RAB27A: variants seen among roughly 807,000 people sequenced by gnomAD.
The protein encoded by RAB27A is ras-related protein Rab-27A.
Under a neutral mutation model 20.8 loss-of-function variants are expected in RAB27A, and 17 were observed. The observed-to-expected ratio is 0.82, with a 90% CI of 0.56 to 1.23. The LOEUF (loss-of-function observed/expected upper bound fraction) is 1.23, where lower values mean the gene tolerates loss of function less well. RAB27A is among the 50% of genes most tolerant of loss of function. The probability of loss-of-function intolerance (pLI) is 0.00; values close to 1 mark genes in which losing one functional copy is unlikely to be tolerated. For missense variants in RAB27A, 277 were observed against 266.7 expected (o/e 1.04, Z -0.27); for synonymous variants, 85 against 92.8 (o/e 0.92, Z 0.48).
chr15:55,281,949 C>T (rs985974955), intron 1 of RAB27A, among the ~76,000 whole-genome samples: 2 of 151,980 alleles, frequency 1.3e-5, no homozygotes, highest in Admixed American at 6.5e-5. Context: ...TTTTTTGGGA[C>T]ATCACTGGCT....
At chr15:55,262,938 C>T (rs7496857) in intron 2 of RAB27A, among the ~76,000 whole-genome samples, 50,957 of 152,018 alleles carry the variant, frequency 0.34, 9,976 homozygotes, top group East Asian at 0.58. Flanking sequence ...TTTATCAGGT[C>T]AAGGAAGTTC....
chr15:55,294,449 G>C (rs564645742), upstream of RAB27A, among the ~76,000 whole-genome samples: 1 of 151,878 alleles, frequency 6.6e-6, no homozygotes, highest in Non-Finnish European at 1.5e-5. Flanking sequence ...TTAGCCAGAC[G>C]TGGTGGCTTG....
intron 6 of RAB27A, among the ~76,000 whole-genome samples, chr15:55,214,133 A>AGAGAAT: frequency 6.6e-6 from 1 of 152,206 alleles, no homozygotes; most frequent in African/African-American, 2.4e-5. Context: ...CTGTTTTAGC[A>AGAGAAT]CAGCTATTAA....
rs557578858 is a variant in RAB27A, at chr15:55,267,965, T to G, written c.-23+2200A>C. On this transcript the variant is annotated intron_variant, in intron 2 of 6. Coordinates refer to ENST00000336787, the MANE Select transcript of RAB27A (RefSeq NM_183235.3). ...ACCAAGAAAGAAGAAAAATGGTTGT[T>G]TGTATTCTTATGGCTGCAGGGTCAT... 9.2e-5 allele frequency among the ~76,000 whole-genome samples: 14 copies of G among 152,258 alleles called. No individual in the cohort carries two copies. The South Asian group carries it at 2.9e-3, about 32-fold the overall frequency.
At chr15:55,213,822 T>C (rs370811975) in intron 6 of RAB27A, among the ~76,000 whole-genome samples, 3 of 152,214 alleles carry the variant, frequency 2.0e-5, no homozygotes, top group African/African-American at 7.2e-5. Context: ...TACATTATGG[T>C]GAGCCGTATA....
At chr15:55,304,455 T>G (rs192021214) in intron 2 of RAB27A, among the ~76,000 whole-genome samples, 2 of 136,148 alleles carry the variant, frequency 1.5e-5, no homozygotes, top group Admixed American at 7.3e-5. Context: ...CCAAGAATTA[T>G]CAATAAAAAA....
At chr15:55,227,294 A>C (rs760618538) in intron 5 of RAB27A, among the ~76,000 whole-genome samples, 3 of 151,348 alleles carry the variant, frequency 2.0e-5, no homozygotes, top group Admixed American at 6.6e-5. Flanking sequence ...CTAAGATTCT[A>C]TGCGCACTCT....
At chr15:55,209,062 A>C (rs1894791186) in intron 6 of RAB27A, among the ~76,000 whole-genome samples, 1 of 152,210 alleles carries the variant, frequency 6.6e-6, no homozygotes, top group Admixed American at 6.5e-5. Flanking sequence ...TGATCATTTA[A>C]TACACTGATA....
At chr15:55,248,358 C>T (rs1230386398) in intron 2 of RAB27A, among the ~76,000 whole-genome samples, 6 of 152,136 alleles carry the variant, frequency 3.9e-5, no homozygotes, top group Non-Finnish European at 8.8e-5. Flanking sequence ...GGTACTATTG[C>T]CAAACTCCGG....
At chr15:55,281,961 T>C (rs780647148) in intron 1 of RAB27A, among the ~76,000 whole-genome samples, 1 of 152,148 alleles carries the variant, frequency 6.6e-6, no homozygotes, top group Non-Finnish European at 1.5e-5. Flanking sequence ...TCACTGGCTT[T>C]GTGTGAAGAA....
intron 2 of RAB27A, among the ~76,000 whole-genome samples, chr15:55,300,495 C>T (rs946771618): frequency 6.6e-6 from 1 of 152,042 alleles, no homozygotes; most frequent in African/African-American, 2.4e-5. Flanking sequence ...GCCTGACCAA[C>T]ATGGAGAAAC....
At chr15:55,310,499 G>C (rs2055015712) in intron 2 of RAB27A, among the ~76,000 whole-genome samples, 1 of 152,144 alleles carries the variant, frequency 6.6e-6, no homozygotes, top group Non-Finnish European at 1.5e-5. Flanking sequence ...TGGACGAGGG[G>C]GTGGCTTATT....
At chr15:55,306,113 G>T (rs977206937) in intron 2 of RAB27A, among the ~76,000 whole-genome samples, 6 of 152,112 alleles carry the variant, frequency 3.9e-5, no homozygotes, top group African/African-American at 1.4e-4. Context: ...ACTATTCGTG[G>T]GGGGGAGTTA....
chr15:55,305,604 C>T (rs116391442), intron 2 of RAB27A, among the ~76,000 whole-genome samples: 4,344 of 152,310 alleles, frequency 0.029, 208 homozygotes, highest in African/African-American at 0.099. Flanking sequence ...TGAAGCTCCT[C>T]TGCTCTACGT....
chr15:55,306,230 T>C (rs532543469), intron 2 of RAB27A, among the ~76,000 whole-genome samples: 1 of 152,306 alleles, frequency 6.6e-6, no homozygotes, highest in East Asian at 1.9e-4. Context: ...GAGGTCCTAC[T>C]AAAACGGAAG....
chr15:55,304,196 G>A (rs1476340108), intron 2 of RAB27A, among the ~76,000 whole-genome samples: 2 of 151,634 alleles, frequency 1.3e-5, no homozygotes, highest in East Asian at 1.9e-4. Context: ...CATGTGCTGT[G>A]TCCACTCAGG....
chr15:55,303,164 C>A (rs2054981250), intron 2 of RAB27A, among the ~76,000 whole-genome samples: 8 of 113,050 alleles, frequency 7.1e-5, no homozygotes, highest in Non-Finnish European at 9.0e-5. Context: ...GCCAGCCGCC[C>A]CGTCCGGGAG....
intron 6 of RAB27A, among the ~76,000 whole-genome samples, chr15:55,216,623 G>A (rs1408327115): frequency 6.6e-6 from 1 of 151,950 alleles, no homozygotes; most frequent in Non-Finnish European, 1.5e-5. Context: ...TCTGTGTGTT[G>A]TGTGAAAAAA....
intron 2 of RAB27A, among the ~76,000 whole-genome samples, chr15:55,248,663 G>C (rs1434769128): frequency 1.3e-5 from 2 of 152,100 alleles, no homozygotes; most frequent in Non-Finnish European, 2.9e-5. Context: ...TAAAATATTA[G>C]TATCTATAAA....
Sources: allele counts gnomAD v4.1 joint callset (sites outside exome capture counted in the v4.1 genomes callset), GRCh38; gene constraint gnomAD v4.1.1; transcripts MANE v1.5; gene names NCBI Gene and HGNC (gene_info 2026-07-23, HGNC 2026-07-21).